Variants in CNBD1 observed in about 807,000 individuals in gnomAD.
CNBD1 encodes cyclic nucleotide-binding domain-containing protein 1.
A neutral mutation model predicts 54.4 loss-of-function variants in CNBD1; 71 were observed. That is an observed-to-expected ratio of 1.30 (90% confidence interval 1.08 to 1.59). The LOEUF is 1.59. Among genes scored for constraint, CNBD1 ranks in the 40% most tolerant of loss-of-function variants. The pLI, the probability that CNBD1 is intolerant of heterozygous loss-of-function variation, is 0.00. For synonymous variants in CNBD1, 182 were observed against 170.7 expected, an observed-to-expected ratio of 1.07 and a Z score of -0.51; for missense variants, 659 against 518.0, an observed-to-expected ratio of 1.27 and a Z score of -2.64.
chr8:86,906,263 A>C (rs1809015149), intron 3 of CNBD1, among the ~76,000 whole-genome samples: 1 of 152,248 alleles, frequency 6.6e-6, no homozygotes. Flanking sequence ...AGAGACATAG[A>C]TCTATTTCAT....
At chr8:87,354,112 C>T (rs1446088567) in intron 10 of CNBD1, among the ~76,000 whole-genome samples, 1 of 152,090 alleles carries the variant, frequency 6.6e-6, no homozygotes, top group Non-Finnish European at 1.5e-5. Flanking sequence ...AGTTGGAGAA[C>T]CCAGGGCAAC....
chr8:86,972,916 C>T (rs1808257895), intron 4 of CNBD1, among the ~76,000 whole-genome samples: 1 of 152,196 alleles, frequency 6.6e-6, no homozygotes, highest in Admixed American at 6.5e-5. Context: ...TTCCGTTGTA[C>T]TTTCAGGCTT....
At chr8:87,340,805 G>C (rs918517673) in intron 8 of CNBD1, among the ~76,000 whole-genome samples, 4 of 151,532 alleles carry the variant, frequency 2.6e-5, no homozygotes, top group African/African-American at 4.8e-5. Context: ...TTTTTATTTT[G>C]TTCACATATT....
chr8:87,300,619 G>A (rs1352058568), intron 8 of CNBD1, among the ~76,000 whole-genome samples: 1 of 151,996 alleles, frequency 6.6e-6, no homozygotes, highest in African/African-American at 2.4e-5. Context: ...ATTTATCATG[G>A]AGTCAGACAC....
chr8:87,420,462 A>G (rs1807911651), intron 2 of CNBD1, among the ~76,000 whole-genome samples: 1 of 152,086 alleles, frequency 6.6e-6, no homozygotes, highest in Non-Finnish European at 1.5e-5. Context: ...CCTGTTTGCA[A>G]AAGCATGCCT....
At chr8:87,272,523 T>C (rs1323198095) in intron 6 of CNBD1, among the ~76,000 whole-genome samples, 1 of 152,002 alleles carries the variant, frequency 6.6e-6, no homozygotes, top group African/African-American at 2.4e-5. Context: ...TTTAGTGTTA[T>C]GTGGGAGAAA....
intron 6 of CNBD1, among the ~76,000 whole-genome samples, chr8:87,278,768 A>T (rs967596462): frequency 2.6e-5 from 4 of 151,492 alleles, no homozygotes; most frequent in African/African-American, 9.7e-5. Context: ...AAATCTAAGT[A>T]TTAGCTGACT....
intron 2 of CNBD1, among the ~76,000 whole-genome samples, chr8:87,424,156 C>G (rs1276750273): frequency 6.6e-6 from 1 of 151,572 alleles, no homozygotes. Flanking sequence ...ATCTATTTGA[C>G]TCTTCTCCCT....
Position 86,868,822 on chromosome 8 carries a change from G to A in CNBD1, c.88+2239G>A, listed in dbSNP as rs139189970. Among the ~76,000 whole-genome samples the A allele has an allele frequency of 1.7e-3, 255 of 152,208 alleles. 1 individual carries two copies. The highest frequency in any genetic ancestry group is 6.0e-3 in the African/African-American group (248 of 41,530). ...TGAATAGGTTATACTACATGTTAGGGGGAATTGAGGCTGCACATGCAATTA... is the reference window on the plus strand; with the variant it reads ...TGAATAGGTTATACTACATGTTAGGAGGAATTGAGGCTGCACATGCAATTA... On this transcript the variant is annotated intron_variant, in intron 1 of 10. Transcript: ENST00000518476.
downstream of CNBD1, among the ~76,000 whole-genome samples, chr8:87,386,993 A>C (rs886258058): frequency 6.6e-5 from 10 of 152,228 alleles, no homozygotes; most frequent in Admixed American, 5.9e-4. Context: ...AGTATTTTAT[A>C]TCCAGCCAAA....
Position 87,375,326 on chromosome 8 carries a change from G to A in CNBD1, c.1304-7294G>A, listed in dbSNP as rs185843012. Reference sequence around the variant, plus strand: ...AAGCTGTGTGCTGTCTGTTAACACAGAGAGAGGTAAGTGGAATTTAGCACA... The same window carrying A: ...AAGCTGTGTGCTGTCTGTTAACACAAAGAGAGGTAAGTGGAATTTAGCACA... On this transcript the variant is annotated intron_variant, in intron 10 of 10. Coordinates refer to ENST00000518476, the MANE Select transcript of CNBD1 (RefSeq NM_173538.3). Among the ~76,000 whole-genome samples, 3 of 151,942 alleles carry A rather than the reference G, an allele frequency of 2.0e-5. No individual in the cohort carries two copies. The Admixed American group carries it at 2.0e-4, about 10-fold the overall frequency.
At chr8:87,033,993 C>CA (rs974185896) in intron 4 of CNBD1, among the ~76,000 whole-genome samples, 5 of 151,688 alleles carry the variant, frequency 3.3e-5, no homozygotes, top group Admixed American at 1.3e-4. Context: ...CCTGCATCCA[C>CA]AAAAAAAAGC....
At chr8:87,040,646 C>T (rs747193876) in intron 4 of CNBD1, among the ~76,000 whole-genome samples, 1 of 151,476 alleles carries the variant, frequency 6.6e-6, no homozygotes, top group South Asian at 2.1e-4. Context: ...GGATGGTCTC[C>T]ATCTCCTGAC....
chr8:87,190,329 A>C lies in CNBD1; in HGVS notation c.432-15664A>C, dbSNP rs182241267. 4.6e-5 allele frequency among the ~76,000 whole-genome samples: 7 copies of C among 152,294 alleles called. No individual in the cohort carries two copies. In the South Asian group the frequency reaches 8.3e-4, roughly 18 times the overall value. On this transcript the variant is annotated intron_variant, in intron 4 of 10. Transcript: ENST00000518476. ...CATTTTCTAGGGACATATATATCCA[A>C]ACGTAGGAGACTCCCAGTTGTTCTG...
intron 8 of CNBD1, among the ~76,000 whole-genome samples, chr8:87,337,175 CTTGGTGGGATGGG>C (rs1809960452): frequency 6.6e-6 from 1 of 151,634 alleles, no homozygotes; most frequent in Admixed American, 6.6e-5. Context: ...TCTTACCCAG[CTTGGTGGGATGGG>C]AAGAAGGACC....
chr8:86,962,088 C>T (rs114925756), intron 4 of CNBD1, among the ~76,000 whole-genome samples: 144 of 150,968 alleles, frequency 9.5e-4, no homozygotes, highest in African/African-American at 3.3e-3. Flanking sequence ...ATCCCTGGCA[C>T]TCCATGAGGA....
At chr8:86,978,423 A>C (rs1038840390) in intron 4 of CNBD1, among the ~76,000 whole-genome samples, 3 of 152,044 alleles carry the variant, frequency 2.0e-5, no homozygotes, top group Non-Finnish European at 4.4e-5. Flanking sequence ...TTTTGTCTCT[A>C]ATTTAAAGTT....
chr8:87,288,286 A>T (rs1157057872), intron 8 of CNBD1, among the ~76,000 whole-genome samples: 1 of 151,702 alleles, frequency 6.6e-6, no homozygotes, highest in African/African-American at 2.4e-5. Flanking sequence ...TTTATTTTTT[A>T]TGGTTGTTTT....
chr8:87,132,852 C>G (rs1333277972), intron 4 of CNBD1, among the ~76,000 whole-genome samples: 4 of 148,586 alleles, frequency 2.7e-5, no homozygotes, highest in Admixed American at 1.4e-4. Flanking sequence ...TCCATTTCCT[C>G]TCTCCTCTCA....
Sources: allele counts gnomAD v4.1 joint callset (sites outside exome capture counted in the v4.1 genomes callset), GRCh38; gene constraint gnomAD v4.1.1; transcripts MANE v1.5; gene names NCBI Gene and HGNC (gene_info 2026-07-23, HGNC 2026-07-21).